Variants in LCORL observed in about 807,000 individuals in gnomAD.
The protein encoded by LCORL is ligand dependent nuclear receptor corepressor like.
Under a neutral mutation model 141.8 loss-of-function variants are expected in LCORL, and 41 were observed. The ratio of observed to expected loss-of-function variants is 0.29; its 90% CI spans 0.23 to 0.38. The LOEUF (loss-of-function observed/expected upper bound fraction) is 0.38, where lower values mean the gene tolerates loss of function less well. LCORL is among the 10% of genes least tolerant of loss of function. The probability of loss-of-function intolerance (pLI) is 1.00; values close to 1 mark genes in which losing one functional copy is unlikely to be tolerated. For synonymous variants in LCORL, 618 were observed against 694.1 expected, an observed-to-expected ratio of 0.89 and a Z score of 1.72; for missense variants, 1,759 against 2,035.0, an observed-to-expected ratio of 0.86 and a Z score of 2.61.
At chr4:18,018,995 G>A (rs1427093871) in intron 1 of LCORL, among the ~76,000 whole-genome samples, 7 of 152,046 alleles carry the variant, frequency 4.6e-5, no homozygotes, top group Non-Finnish European at 7.3e-5. Flanking sequence ...ATAGCAAAAG[G>A]TAATTATCCA....
chr4:17,866,885 G>C (rs144217259), intron 7 of LCORL: 13 of 482,284 alleles, frequency 2.7e-5, no homozygotes, highest in African/African-American at 2.3e-4. Context: ...AGGAGAAAGA[G>C]AACATTTAGA....
At chr4:17,852,126 G>T (rs1349382391) in intron 7 of LCORL, among the ~76,000 whole-genome samples, 1 of 152,092 alleles carries the variant, frequency 6.6e-6, no homozygotes, top group Non-Finnish European at 1.5e-5. Context: ...TATGTCATCA[G>T]ATTTATCACT....
intron 4 of LCORL, among the ~76,000 whole-genome samples, chr4:17,924,160 C>CT (rs1734748205): frequency 6.6e-6 from 1 of 152,100 alleles, no homozygotes; most frequent in Non-Finnish European, 1.5e-5. Context: ...CTGGACCTCT[C>CT]TGAGTGCTCA....
intron 4 of LCORL, among the ~76,000 whole-genome samples, chr4:17,955,644 G>A (rs886770701): frequency 1.3e-5 from 2 of 152,126 alleles, no homozygotes; most frequent in African/African-American, 4.8e-5. Flanking sequence ...TCCTATAAGA[G>A]AGGAAATCGA....
intron 4 of LCORL, among the ~76,000 whole-genome samples, chr4:17,936,910 T>C (rs983431126): frequency 6.6e-6 from 1 of 152,198 alleles, no homozygotes; most frequent in Non-Finnish European, 1.5e-5. Context: ...AGCAGTAACA[T>C]GTACAATAAA....
chr4:17,923,420 C>A (rs544643952), intron 4 of LCORL, among the ~76,000 whole-genome samples: 1 of 152,152 alleles, frequency 6.6e-6, no homozygotes, highest in Non-Finnish European at 1.5e-5. Flanking sequence ...CCAAGGCAGG[C>A]GGATAATTTG....
intron 4 of LCORL, among the ~76,000 whole-genome samples, chr4:17,944,665 C>T (rs758499767): frequency 4.6e-5 from 7 of 152,066 alleles, no homozygotes; most frequent in Non-Finnish European, 8.8e-5. Flanking sequence ...CTCCAAGGGG[C>T]TTTGGTTCCT....
intron 4 of LCORL, among the ~76,000 whole-genome samples, chr4:17,941,759 C>A (rs1033141795): frequency 6.6e-6 from 1 of 152,060 alleles, no homozygotes; most frequent in African/African-American, 2.4e-5. Context: ...GATACATTAC[C>A]CCAATGTTCA....
intron 1 of LCORL, among the ~76,000 whole-genome samples, chr4:18,014,284 A>G (rs985081125): frequency 6.6e-6 from 1 of 152,194 alleles, no homozygotes; most frequent in Non-Finnish European, 1.5e-5. Flanking sequence ...CAACTAGATA[A>G]ACATGGCTGG....
intron 7 of LCORL, among the ~76,000 whole-genome samples, chr4:17,867,370 T>A: frequency 6.6e-6 from 1 of 152,250 alleles, no homozygotes; most frequent in East Asian, 1.9e-4. Flanking sequence ...TTAGACTCTG[T>A]AGGCTTTATG....
Position 18,021,572 on chromosome 4 carries a change from G to A in LCORL, c.154+26C>T, listed in dbSNP as rs1006592340. On this transcript the variant is annotated intron_variant, in intron 1 of 7. Coordinates refer to ENST00000635767, the Ensembl canonical transcript of LCORL. The surrounding 1 kb of genome is among the most constrained non-coding windows in gnomAD (Gnocchi z 5.5). ...CGACAGCGGTCGCCGCGCGGAGCCC[G>A]GGGCCCCGGCCCGCGTCTCTCTTAC... 8.6e-6 allele frequency: 13 copies of A among 1,505,546 alleles called. No individual in the cohort carries two copies. In the Admixed American group the frequency reaches 1.6e-4, roughly 18 times the overall value. The allele number at this position is 1,505,546 out of a possible 1,614,324, so 93.3% of individuals were successfully genotyped here.
intron 7 of LCORL, among the ~76,000 whole-genome samples, chr4:17,846,210 T>C (rs1722914163): frequency 6.6e-6 from 1 of 152,174 alleles, no homozygotes; most frequent in Non-Finnish European, 1.5e-5. Context: ...TTCAACCCTT[T>C]TAACTTGCCC....
chr4:17,981,637 C>T (rs1198546749), intron 1 of LCORL, among the ~76,000 whole-genome samples: 1 of 151,978 alleles, frequency 6.6e-6, no homozygotes, highest in Non-Finnish European at 1.5e-5. Flanking sequence ...ACTCAGGAGG[C>T]TGAAGTGCGA....
chr4:17,876,278 A>G (rs1577305183), exon 7 of LCORL: 2 of 1,231,036 alleles, frequency 1.6e-6, no homozygotes, highest in Middle Eastern at 6.2e-4. Context: ...GACTATTGAT[A>G]ATATTGCCGG....
chr4:17,962,499 T>A (rs754795089), intron 3 of LCORL, among the ~76,000 whole-genome samples: 2 of 152,070 alleles, frequency 1.3e-5, no homozygotes, highest in African/African-American at 4.8e-5. Context: ...ATGCCCCGTA[T>A]ACAGTAGACA....
chr4:17,931,580 GT>G (rs1736049726), intron 4 of LCORL, among the ~76,000 whole-genome samples: 1 of 151,884 alleles, frequency 6.6e-6, no homozygotes, highest in Non-Finnish European at 1.5e-5. Context: ...ACCTAAAGTT[GT>G]TTAAAATAGT....
intron 4 of LCORL, among the ~76,000 whole-genome samples, chr4:17,956,220 T>A (rs192072404): frequency 6.6e-6 from 1 of 152,082 alleles, no homozygotes; most frequent in Non-Finnish European, 1.5e-5. Flanking sequence ...GGAGTGTACA[T>A]TGTACAGCCA....
intron 7 of LCORL, among the ~76,000 whole-genome samples, chr4:17,855,343 T>C (rs1264968433): frequency 6.6e-6 from 1 of 152,192 alleles, no homozygotes; most frequent in Non-Finnish European, 1.5e-5. Context: ...ATTTTAGTAA[T>C]GTGAAATTAA....
chr4:17,877,437 T>C, exon 7 of LCORL: 1 of 1,229,332 alleles, frequency 8.1e-7, no homozygotes, highest in Non-Finnish European at 1.0e-6. Flanking sequence ...TTTTTCATGA[T>C]TTGTAGTAGA....
Sources: gnomAD v4.1 joint callset for allele counts (sites outside exome capture counted in the v4.1 genomes callset) on GRCh38, gnomAD v4.1.1 for gene constraint, Gnocchi (gnomAD v3.1) non-coding constraint, MANE v1.5 for transcripts, NCBI Gene and HGNC (gene_info 2026-07-23, HGNC 2026-07-21) for gene names.